Variants in FAM149A observed in about 807,000 individuals in gnomAD.
FAM149A encodes protein FAM149A.
FAM149A carries 71 observed loss-of-function variants against 78.2 expected under a neutral mutation model. The ratio of observed to expected loss-of-function variants is 0.91; its 90% CI spans 0.75 to 1.11. The LOEUF is 1.11. Ranked by LOEUF, FAM149A falls within the 50% of genes least tolerant of loss-of-function variation. The pLI is 0.00. For missense variants in FAM149A, 1,036 were observed against 971.0 expected, an observed-to-expected ratio of 1.07 and a Z score of -0.89; for synonymous variants, 446 against 410.5, an observed-to-expected ratio of 1.09 and a Z score of -1.04.
chr4:186,146,892 C>T (rs972420048), intron 1 of FAM149A: 142 of 985,442 alleles, frequency 1.4e-4, no homozygotes, highest in East Asian at 1.4e-3. Context: ...ATTTCGTCTT[C>T]GCCGTTTGAG....
intron 1 of FAM149A, among the ~76,000 whole-genome samples, chr4:186,147,106 A>G (rs1361132232): frequency 1.3e-5 from 2 of 152,336 alleles, no homozygotes; most frequent in East Asian, 3.9e-4. Context: ...GTGAGAGGAC[A>G]GTGCGGTGGC....
chr4:186,117,430 T>C, intron 1 of FAM149A: 1 of 984,170 alleles, frequency 1.0e-6, no homozygotes, highest in Non-Finnish European at 1.2e-6. Context: ...TCAGACACAC[T>C]GCTGTGAGCA....
At chr4:186,168,677 TTGTA>T (rs1735267892) in intron 13 of FAM149A, among the ~76,000 whole-genome samples, 1 of 152,088 alleles carries the variant, frequency 6.6e-6, no homozygotes, top group African/African-American at 2.4e-5. Flanking sequence ...TGTAACACGA[TTGTA>T]GGTGCTTGGG....
intron 1 of FAM149A, chr4:186,146,889 C>A: frequency 4.1e-6 from 4 of 985,456 alleles, no homozygotes; most frequent in Non-Finnish European, 4.8e-6. Context: ...CTAATTTCGT[C>A]TTCGCCGTTT....
At chr4:186,136,655 A>G (rs906873681) in intron 1 of FAM149A, among the ~76,000 whole-genome samples, 2 of 152,104 alleles carry the variant, frequency 1.3e-5, no homozygotes, top group African/African-American at 2.4e-5. Context: ...AGTATTTTTC[A>G]TCCTTTTTTG....
intron 1 of FAM149A, chr4:186,117,689 C>G (rs1394719425): frequency 1.0e-6 from 1 of 975,980 alleles, no homozygotes; most frequent in East Asian, 1.1e-4. Context: ...GGATACTGGG[C>G]TCTCTTTAGT....
At chr4:186,128,887 T>C (rs2099319433) in intron 1 of FAM149A, among the ~76,000 whole-genome samples, 1 of 151,824 alleles carries the variant, frequency 6.6e-6, no homozygotes, top group African/African-American at 2.4e-5. Context: ...TGTATGGGTG[T>C]GTATGTGTGT....
In FAM149A at chr4:186,144,750, G is replaced by A; in HGVS notation, c.567-4423G>A. 1 of 915,862 alleles carries A rather than the reference G, an allele frequency of 1.1e-6. No individual in the cohort carries two copies. Among genetic ancestry groups the A allele is most frequent in the Non-Finnish European group, 1.3e-6 (1 of 766,196 alleles). The allele number at this position is 915,862 out of a possible 1,614,324, so 56.7% of individuals were successfully genotyped here. ...GGGCCGGGGCCGGGGCCGGGGCCCG[G>A]AGCGGGGATGGGCGGGCGCAGCCGG... On this transcript the variant is annotated intron_variant, in intron 1 of 13. Coordinates refer to ENST00000389354, the MANE Select transcript of FAM149A (RefSeq NM_001367768.3). The surrounding 1 kb of genome is among the most constrained non-coding windows in gnomAD (Gnocchi z 4.2).
At chr4:186,124,388 A>C in intron 1 of FAM149A, 1 of 282,034 alleles carries the variant, frequency 3.5e-6, no homozygotes, top group Non-Finnish European at 5.3e-6. Flanking sequence ...CATTAGGTAT[A>C]TCTCCTAATG....
intron 13 of FAM149A, 75 bp from the exon 14 acceptor site, chr4:186,171,839 T>C (rs1301920353): frequency 2.8e-6 from 3 of 1,056,254 alleles, no homozygotes; most frequent in African/African-American, 3.2e-5. Flanking sequence ...TTGCATGGAG[T>C]GTACAAAACA....
chr4:186,122,168 T>G (rs2099316360), intron 1 of FAM149A, among the ~76,000 whole-genome samples: 1 of 152,162 alleles, frequency 6.6e-6, no homozygotes, highest in African/African-American at 2.4e-5. Flanking sequence ...AAAGAAACCA[T>G]GAGATGAATG....
intron 1 of FAM149A, among the ~76,000 whole-genome samples, chr4:186,126,630 C>G (rs1244399331): frequency 1.3e-5 from 2 of 152,178 alleles, no homozygotes; most frequent in Non-Finnish European, 1.5e-5. Context: ...CCCTCGAATT[C>G]TCAAGTCTTT....
Position 186,157,665 on chromosome 4 carries a change from C to G in FAM149A, c.1521C>G (p.Ser507=), listed in dbSNP as rs2276923. ...CCGATGGAGCCAGTGGCCCCCCGTC[C>G]GGACACGCCGAGGCTCACGGCATCT... Residue 507 remains serine (S), a synonymous_variant, in exon 8 of 14, where the codon TCC becomes TCG. Transcript: ENST00000389354. 0.15 allele frequency: 240,944 copies of G among 1,613,646 alleles called. 18,825 individuals carry two copies. Among genetic ancestry groups the G allele is most frequent in the Admixed American group, 0.25 (14,952 of 59,972 alleles).
At chr4:186,169,569 G>A in intron 13 of FAM149A, 1 of 985,410 alleles carries the variant, frequency 1.0e-6, no homozygotes, top group Non-Finnish European at 1.2e-6. Flanking sequence ...CACACAGGGA[G>A]TCGCCTCTCT....
chr4:186,105,298 C>T lies in FAM149A; in HGVS notation c.222C>T (p.Leu74=). ...CGCGGCGGTCGCCCGCCCCGCTGCT[C>T]TCCTCCCCCTACTCCCGGGGCTCCG... The change falls in exon 1 of 14, where the codon CTC becomes CTT. Residue 74 remains leucine, a synonymous_variant. Transcript: ENST00000389354. 1 of 1,183,498 alleles carries T rather than the reference C, an allele frequency of 8.4e-7. No individual in the cohort carries two copies. The highest frequency in any genetic ancestry group is 1.1e-6 in the Non-Finnish European group (1 of 946,550). 73.3% of individuals were successfully genotyped at this position (1,183,498 alleles called of 1,614,324 possible). A position where few individuals can be genotyped will look rare whatever the true frequency, so the allele number is the denominator to read the frequency against.
chr4:186,139,465 G>A (rs1579845439), intron 1 of FAM149A, among the ~76,000 whole-genome samples: 1 of 152,100 alleles, frequency 6.6e-6, no homozygotes, highest in Non-Finnish European at 1.5e-5. Context: ...TTATGAAGGA[G>A]GCCCTGGGGG....
intron 1 of FAM149A, among the ~76,000 whole-genome samples, chr4:186,118,707 A>G (rs1210689159): frequency 6.6e-6 from 1 of 152,172 alleles, no homozygotes. Flanking sequence ...ATATTCAGAT[A>G]GTATCCTCTG....
chr4:186,158,640 C>A (rs569408400), intron 8 of FAM149A: 61 of 1,086,408 alleles, frequency 5.6e-5, no homozygotes, highest in Non-Finnish European at 6.2e-5. Context: ...CACACACTGC[C>A]GCCCAGGTTG....
chr4:186,125,870 A>T (rs2126319941), intron 1 of FAM149A: 1 of 985,400 alleles, frequency 1.0e-6, no homozygotes, highest in South Asian at 4.7e-5. Flanking sequence ...AACGTAGAGG[A>T]GTGGAATCAC....
Sources: gnomAD v4.1 joint callset for allele counts (sites outside exome capture counted in the v4.1 genomes callset) on GRCh38, gnomAD v4.1.1 for gene constraint, Gnocchi (gnomAD v3.1) non-coding constraint, MANE v1.5 for transcripts, NCBI Gene and HGNC (gene_info 2026-07-23, HGNC 2026-07-21) for gene names.